Variants in CEP104 observed in about 807,000 individuals in gnomAD.
CEP104 encodes centrosomal protein of 104 kDa.
In CEP104, 84 loss-of-function variants were observed where a neutral mutation model predicts 113.3. The observed-to-expected ratio is 0.74, with a 90% CI of 0.62 to 0.89. The LOEUF (loss-of-function observed/expected upper bound fraction) is 0.89. Ranked by LOEUF, CEP104 falls within the 40% of genes least tolerant of loss-of-function variation. The pLI is 0.00. For missense variants in CEP104, 1,053 were observed against 1,156.6 expected (o/e 0.91, Z 1.30); for synonymous variants, 378 against 421.7 (o/e 0.90, Z 1.27).
chr1:3,854,856 G>T (rs571666630), intron 1 of CEP104, among the ~76,000 whole-genome samples: 2 of 140,916 alleles, frequency 1.4e-5, no homozygotes, highest in East Asian at 2.1e-4. Context: ...AGGCTGTTGG[G>T]TTCCAGTCTC....
chr1:3,837,580 T>A, intron 8 of CEP104, 61 bp from the exon 9 acceptor site: 1 of 1,371,806 alleles, frequency 7.3e-7, no homozygotes, highest in Non-Finnish European at 1.0e-6. Context: ...TATATCTATC[T>A]CATTCCTTCA....
rs1644024978 is a variant in CEP104 at position 3,823,600 on chromosome 1, A to G, written c.2365-38T>C. The G allele has an allele frequency of 6.2e-7, 1 of 1,613,508 alleles. No homozygotes were observed. Among genetic ancestry groups the G allele is most frequent in the Non-Finnish European group, 8.5e-7 (1 of 1,179,706 alleles). ...ATACAGAGCAAAGCATGTTGCTGAG[A>G]AAGCGGCAGCGCCCTCCAGCCAGCC... On this transcript the variant is annotated intron_variant, in intron 18 of 21. Coordinates refer to ENST00000378230, the MANE Select transcript of CEP104 (RefSeq NM_014704.4). This position sits in a 1 kb window ranked among gnomAD's most constrained non-coding sequence, Gnocchi z 4.1.
Position 3,815,229 on chromosome 1 carries a change from A to G in CEP104, c.*173T>C, listed in dbSNP as rs1392598066. The G allele has an allele frequency of 1.2e-5, 7 of 603,724 alleles. No homozygotes were observed. The East Asian group carries it at 1.7e-4, about 15-fold the overall frequency. The allele number at this position is 603,724 out of a possible 1,614,324, so 37.4% of individuals were successfully genotyped here. ...GCAGGATCTTTGGTTAGCTGCATCC[A>G]TATCGTTTGCACGAGAGCTGACGGC... On this transcript the variant is annotated 3_prime_UTR_variant, in exon 22 of 22. Transcript: ENST00000378230.
intron 11 of CEP104, 97 bp downstream of exon 11, chr1:3,834,828 A>C: frequency 8.7e-7 from 1 of 1,152,346 alleles, no homozygotes; most frequent in Non-Finnish European, 1.2e-6. Flanking sequence ...CACGTCAATG[A>C]CCAACTGGTC....
rs746086975 is a variant in CEP104 at position 3,845,032 on chromosome 1, A to C, written c.490-49T>G. On this transcript the variant is annotated intron_variant, in intron 5 of 21. Transcript: ENST00000378230. Reference sequence around the variant, plus strand: ...AGTGTCTCAGAGAGAAAGAGGAACAACACAAAACCTTAACTACAAGATTTA... The same window carrying C: ...AGTGTCTCAGAGAGAAAGAGGAACACCACAAAACCTTAACTACAAGATTTA... 23 of 1,436,956 alleles carry C rather than the reference A, an allele frequency of 1.6e-5. No homozygotes were observed. The African/African-American group carries it at 2.5e-4, about 16-fold the overall frequency. 89.0% of individuals were successfully genotyped at this position (1,436,956 alleles called of 1,614,324 possible).
intron 15 of CEP104, among the ~76,000 whole-genome samples, chr1:3,828,703 G>T (rs1156917013): frequency 2.6e-5 from 4 of 152,040 alleles, no homozygotes; most frequent in African/African-American, 9.7e-5. Context: ...TTTTTTTAAG[G>T]AAATTTTCTT....
intron 20 of CEP104, 53 bp from the exon 21 acceptor site, chr1:3,816,423 G>A (rs571032262): frequency 8.5e-6 from 12 of 1,418,966 alleles, no homozygotes; most frequent in Middle Eastern, 3.9e-4. Flanking sequence ...GACCTGGCAC[G>A]CTACCTGAGA....
chr1:3,827,484 T>C (rs1644114226), intron 15 of CEP104, among the ~76,000 whole-genome samples: 1 of 152,142 alleles, frequency 6.6e-6, no homozygotes, highest in Admixed American at 6.5e-5. Context: ...CCTCCCAAAG[T>C]GCTGCAATTA....
At chr1:3,839,912 G>C (rs754414807) in intron 6 of CEP104, 136 bp from the exon 7 acceptor site, 4 of 707,614 alleles carry the variant, frequency 5.7e-6, no homozygotes, top group Non-Finnish European at 9.2e-6. Context: ...ATGAGAAAAC[G>C]GGTCTCAGAG....
rs561904254 is a variant in CEP104, at chr1:3,815,079, C to T, written c.*323G>A. On this transcript the variant is annotated 3_prime_UTR_variant, in exon 22 of 22. Transcript: ENST00000378230. The stretch of plus-strand genomic sequence containing the variant: ...TGCCTGTGCTGACCGTGGCCTTGCG[C>T]GAGCGCCTCCCGGCGGTGCTCTCTG... The T allele has an allele frequency of 2.4e-5, 6 of 246,222 alleles. No individual in the cohort carries two copies. Among genetic ancestry groups the T allele is most frequent in the South Asian group, 1.3e-4 (3 of 22,356 alleles). The allele number at this position is 246,222 out of a possible 1,614,324, so 15.3% of individuals were successfully genotyped here.
chr1:3,850,215 A>G (rs888193729), intron 2 of CEP104, among the ~76,000 whole-genome samples: 3 of 152,212 alleles, frequency 2.0e-5, no homozygotes, highest in African/African-American at 7.2e-5. Flanking sequence ...AAATCCTTCC[A>G]AAAAGGGCCT....
At chr1:3,826,460 A>G (rs1378187008) in intron 16 of CEP104, 24 bp from the exon 17 acceptor site, 2 of 1,591,756 alleles carry the variant, frequency 1.3e-6, no homozygotes, top group South Asian at 1.1e-5. Context: ...AACAATTTAA[A>G]TAACTTTTTA....
At position 3,829,831 on chromosome 1, in the gene CEP104, A is replaced by G; in HGVS notation, c.2003T>C (p.Phe668Ser). The change falls in exon 14 of 22, where the codon TTT becomes TCT. Residue 668 changes from phenylalanine to serine, a missense_variant. Physicochemically the swap from Phe to Ser is radical, Grantham distance 155. Transcript: ENST00000378230. ...TGTAGCTCTGCCATCTATTTTAGCA[A>G]ATCCCTCAAAAATTGTTTTGTAGAG... The part of the protein sequence containing the change: ...NILYKTIFEG[F>S]AKIDGRATDA... The G allele has an allele frequency of 6.2e-7, 1 of 1,614,216 alleles. No homozygotes were observed. The highest frequency in any genetic ancestry group is 8.5e-7 in the Non-Finnish European group (1 of 1,180,038).
Position 3,848,706 on chromosome 1 carries a change from A to G in CEP104, c.189T>C (p.Ala63=), listed in dbSNP as rs1644555375. The change falls in exon 3 of 22, where the codon GCT becomes GCC. Residue 63 remains alanine (A), a synonymous_variant. Transcript: ENST00000378230. ...TTTTACTTGAAATCATATACTGGTG[A>G]GCAAGTAACTGCAGTTTCCTTATTC... ...RCRIRKLQLL[A]HQYMISSKIE... 1.2e-6 allele frequency: 2 copies of G among 1,613,616 alleles called. No individual in the cohort carries two copies. Among genetic ancestry groups the G allele is most frequent in the African/African-American group, 2.7e-5 (2 of 75,010 alleles).
chr1:3,852,246 G>C, intron 2 of CEP104, 49 bp downstream of exon 2: 1 of 1,571,590 alleles, frequency 6.4e-7, no homozygotes, highest in Non-Finnish European at 8.6e-7. Context: ...CCCTCCTCAG[G>C]GACCCGAGGC....
At chr1:3,826,566 G>C in intron 16 of CEP104, 130 bp from the exon 17 acceptor site, 2 of 1,291,884 alleles carry the variant, frequency 1.5e-6, no homozygotes, top group Non-Finnish European at 2.2e-6. Flanking sequence ...TCAGCTGGGA[G>C]ATGGCTGAGG....
intron 6 of CEP104, among the ~76,000 whole-genome samples, chr1:3,841,589 G>A (rs981426972): frequency 6.6e-6 from 1 of 152,302 alleles, no homozygotes; most frequent in Non-Finnish European, 1.5e-5. Flanking sequence ...TGTTGATTCA[G>A]CAGCAGCGTG....
chr1:3,829,042 A>G (rs1321335543), intron 15 of CEP104, among the ~76,000 whole-genome samples: 1 of 152,196 alleles, frequency 6.6e-6, no homozygotes, highest in Non-Finnish European at 1.5e-5. Flanking sequence ...GCTCACATCA[A>G]TTCTGACAGA....
Position 3,825,777 on chromosome 1 carries a change from C to A in CEP104, c.2345G>T (p.Arg782Ile), listed in dbSNP as rs1045722002. The A allele has an allele frequency of 1.2e-6, 2 of 1,612,906 alleles. No individual in the cohort carries two copies. Among genetic ancestry groups the A allele is most frequent in the Admixed American group, 3.3e-5 (2 of 60,008 alleles). Residue 782 changes from arginine (R) to isoleucine (I), a missense_variant, in exon 18 of 22, where the codon AGA (arginine) becomes ATA (isoleucine). Coordinates refer to ENST00000378230, the MANE Select transcript of CEP104 (RefSeq NM_014704.4). ...HYWKHCLMLT[R>I]CDHCKQVVEI... is the part of the protein sequence containing the mutation. ...CCTGACCTGTTTGCAGTGGTCACATCTTGTCAGCATGAGACAGTGCTTCCA... is the reference window on the plus strand; with the variant it reads ...CCTGACCTGTTTGCAGTGGTCACATATTGTCAGCATGAGACAGTGCTTCCA...
Sources: gnomAD v4.1 joint callset for allele counts (sites outside exome capture counted in the v4.1 genomes callset) on GRCh38, gnomAD v4.1.1 for gene constraint, Gnocchi (gnomAD v3.1) non-coding constraint, MANE v1.5 for transcripts, NCBI Gene and HGNC (gene_info 2026-07-23, HGNC 2026-07-21) for gene names.